Variants in SLC44A1 observed in about 807,000 individuals in gnomAD.
The protein encoded by SLC44A1 is choline transporter-like protein 1.
In SLC44A1, 26 loss-of-function variants were observed where a neutral mutation model predicts 79.3. The observed-to-expected ratio is 0.33, with a 90% CI of 0.24 to 0.46. The LOEUF (loss-of-function observed/expected upper bound fraction) is 0.46, where lower values mean the gene tolerates loss of function less well. SLC44A1 is among the 20% of genes least tolerant of loss of function. The pLI is 1.00. For synonymous variants in SLC44A1, 263 were observed against 286.2 expected (o/e 0.92, Z 0.82); for missense variants, 688 against 798.1 (o/e 0.86, Z 1.66).
At chr9:105,285,448 A>G (rs1312000977) in intron 1 of SLC44A1, among the ~76,000 whole-genome samples, 1 of 152,240 alleles carries the variant, frequency 6.6e-6, no homozygotes, top group South Asian at 2.1e-4. Context: ...AAAGTTAACC[A>G]TGTAAAAAAA....
In SLC44A1 at chr9:105,348,428, C is replaced by A; in HGVS notation, c.477C>A (p.Cys159Ter). ...YTTSPKSSVL[C>*]PKLPVPASAP... ...CATCTCCAAAATCTTCTGTTCTCTG[C>A]CCCAAACTACCAGTTCCAGCGAGGT... Residue 159 changes from cysteine (C) to a stop codon, truncating the protein, a stop_gained, in exon 5 of 16, where the codon TGC becomes TGA. Coordinates refer to ENST00000374720, the MANE Select transcript of SLC44A1 (RefSeq NM_080546.5). LOFTEE classifies it high-confidence loss of function. 1 of 1,607,258 alleles carries A rather than the reference C, an allele frequency of 6.2e-7. No individual in the cohort carries two copies. The highest frequency in any genetic ancestry group is 8.5e-7 in the Non-Finnish European group (1 of 1,174,078).
chr9:105,377,341 G>A (rs1240093319), intron 13 of SLC44A1, among the ~76,000 whole-genome samples: 1 of 152,138 alleles, frequency 6.6e-6, no homozygotes, highest in Non-Finnish European at 1.5e-5. Flanking sequence ...ATCTCAAGAT[G>A]TTAACAATGA....
intron 3 of SLC44A1, among the ~76,000 whole-genome samples, chr9:105,332,107 CTTCT>C (rs942626902): frequency 1.3e-5 from 2 of 148,930 alleles, no homozygotes; most frequent in Admixed American, 6.7e-5. Context: ...TTTTCTTTTC[CTTCT>C]TTGTTTCTTT....
intron 3 of SLC44A1, among the ~76,000 whole-genome samples, chr9:105,321,303 A>G (rs899347932): frequency 6.6e-6 from 1 of 152,228 alleles, no homozygotes; most frequent in Non-Finnish European, 1.5e-5. Context: ...CAGTTATTCC[A>G]GAAGCATTTA....
chr9:105,418,301 CAAAACTCCGTCTCAAAAAAAAAAAA>C (rs1327664950), intron 15 of SLC44A1, among the ~76,000 whole-genome samples: 38 of 49,070 alleles, frequency 7.7e-4, no homozygotes, highest in African/African-American at 2.9e-3. Context: ...GCAACAAGAG[CAAAACTCCGTCTCAAAAAAAAAAAA>C]AAAAAAAAAG....
chr9:105,246,329 T>G (rs1048068106), intron 1 of SLC44A1, among the ~76,000 whole-genome samples: 4 of 152,096 alleles, frequency 2.6e-5, no homozygotes, highest in Non-Finnish European at 5.9e-5. Context: ...TGGGGGACAT[T>G]TGTGTTTTAT....
chr9:105,372,094 TGACAA>T (rs71364089), intron 12 of SLC44A1, among the ~76,000 whole-genome samples: 2,254 of 152,278 alleles, frequency 0.015, 25 homozygotes, highest in Non-Finnish European at 0.023. Flanking sequence ...CACTGACAGA[TGACAA>T]TATAAGGGAG....
chr9:105,273,101 C>T (rs1218722971), intron 1 of SLC44A1, among the ~76,000 whole-genome samples: 4 of 152,106 alleles, frequency 2.6e-5, no homozygotes, highest in African/African-American at 2.4e-5. Flanking sequence ...AAGCAATTCT[C>T]CTGCCTCAGC....
chr9:105,299,191 A>T (rs1830809464), intron 1 of SLC44A1, 29 bp from the exon 2 acceptor site: 2 of 1,520,952 alleles, frequency 1.3e-6, no homozygotes, highest in East Asian at 2.4e-5. Context: ...TTAGCATTTA[A>T]CACTCTCTTA....
chr9:105,314,639 C>T (rs1435128516), intron 3 of SLC44A1, among the ~76,000 whole-genome samples: 2 of 152,106 alleles, frequency 1.3e-5, no homozygotes, highest in African/African-American at 4.8e-5. Flanking sequence ...TCTCCATTGC[C>T]CTAAAATGCC....
chr9:105,326,020 A>G (rs1166031013), intron 3 of SLC44A1, among the ~76,000 whole-genome samples: 1 of 152,156 alleles, frequency 6.6e-6, no homozygotes, highest in Non-Finnish European at 1.5e-5. Context: ...TTGATTTAGG[A>G]GTGTTCTTTC....
chr9:105,336,991 A>T (rs930668968), intron 4 of SLC44A1, among the ~76,000 whole-genome samples: 12 of 152,214 alleles, frequency 7.9e-5, no homozygotes, highest in Non-Finnish European at 1.5e-4. Flanking sequence ...AAGATGATGT[A>T]TGAAGAATAC....
intron 15 of SLC44A1, among the ~76,000 whole-genome samples, chr9:105,410,145 G>T (rs1469922963): frequency 6.6e-6 from 1 of 152,062 alleles, no homozygotes; most frequent in Non-Finnish European, 1.5e-5. Flanking sequence ...GAACTCATAG[G>T]AGTAAATCTT....
In SLC44A1 at chr9:105,351,554, A is replaced by G. The variant is rs7041220; in HGVS notation, c.500+3103A>G. Among the ~76,000 whole-genome samples the G allele has an allele frequency of 6.3e-3, 734 of 116,502 alleles. 5 individuals carry two copies. Among genetic ancestry groups the G allele is most frequent in the Middle Eastern group, 0.029 (7 of 242 alleles). 76.4% of individuals were successfully genotyped at this position (116,502 alleles called of 152,430 possible). Reference sequence around the variant, plus strand: ...TCTGAAAGAAAGAAAGAAAGAAAGAAAGAGAGAAAGAGAGAAAGAGAGAAA... The same window carrying G: ...TCTGAAAGAAAGAAAGAAAGAAAGAGAGAGAGAAAGAGAGAAAGAGAGAAA... On this transcript the variant is annotated intron_variant, in intron 5 of 15. Transcript: ENST00000374720.
At chr9:105,253,270 A>G (rs999723129) in intron 1 of SLC44A1, among the ~76,000 whole-genome samples, 5 of 152,228 alleles carry the variant, frequency 3.3e-5, no homozygotes, top group African/African-American at 1.2e-4. Context: ...AAGTAAAAAA[A>G]CCAGCAGGAA....
Position 105,394,292 on chromosome 9 carries a change from A to AGACTTT in SLC44A1, c.*5237_*5242dup. 1.0e-6 allele frequency: 1 copy of AGACTTT among 985,412 alleles called. No homozygotes were observed. Among genetic ancestry groups the AGACTTT allele is most frequent in the South Asian group, 4.7e-5 (1 of 21,292 alleles). 61.0% of individuals were successfully genotyped at this position (985,412 alleles called of 1,614,324 possible). A position where few individuals can be genotyped will look rare whatever the true frequency, so the allele number is the denominator to read the frequency against. On this transcript the variant is annotated 3_prime_UTR_variant, in exon 16 of 16. Transcript: ENST00000374720. ...ACCTGGAATCATTTTTATAACTTAA[A>AGACTTT]GACTTTATGTAATTTAGTAGCAGGT...
chr9:105,326,355 G>C (rs1175154644), intron 3 of SLC44A1, among the ~76,000 whole-genome samples: 1 of 152,194 alleles, frequency 6.6e-6, no homozygotes, highest in East Asian at 1.9e-4. Flanking sequence ...ACAGACAAGA[G>C]CTAATGCACC....
chr9:105,403,903 C>T (rs752432379), intron 15 of SLC44A1, among the ~76,000 whole-genome samples: 9 of 151,354 alleles, frequency 5.9e-5, no homozygotes, highest in East Asian at 3.9e-4. Context: ...GCCACCCTAA[C>T]GGTCTTGATT....
chr9:105,365,396 TCACTGCG>T, intron 10 of SLC44A1, 80 bp from the exon 11 acceptor site: 1 of 987,948 alleles, frequency 1.0e-6, no homozygotes, highest in African/African-American at 1.6e-5. Flanking sequence ...ATTTTTTTTT[TCACTGCG>T]TTGGACTCTA....
Sources: gnomAD v4.1 joint callset for allele counts (sites outside exome capture counted in the v4.1 genomes callset) on GRCh38, gnomAD v4.1.1 for gene constraint, MANE v1.5 for transcripts, NCBI Gene and HGNC (gene_info 2026-07-23, HGNC 2026-07-21) for gene names.